Variants in DCC observed in about 807,000 individuals in gnomAD.
The protein encoded by DCC is netrin receptor DCC.
A neutral mutation model predicts 172.5 loss-of-function variants in DCC; 58 were observed. That is an observed-to-expected ratio of 0.34 (90% CI 0.27 to 0.42). The LOEUF (loss-of-function observed/expected upper bound fraction) is 0.42. Among genes scored for constraint, DCC ranks in the 10% least tolerant of loss-of-function variants. DCC has a pLI of 1.00. For synonymous variants in DCC, 709 were observed against 644.5 expected (o/e 1.10, Z -1.52); for missense variants, 1,740 against 1,791.0 (o/e 0.97, Z 0.51).
At chr18:53,026,277 GTTTC>G (rs1263782421) in intron 5 of DCC, among the ~76,000 whole-genome samples, 3 of 151,942 alleles carry the variant, frequency 2.0e-5, no homozygotes, top group Non-Finnish European at 4.4e-5. Flanking sequence ...GTACAATGTT[GTTTC>G]TTTCTTTTCT....
chr18:52,855,098 A>G (rs969084287), intron 2 of DCC, among the ~76,000 whole-genome samples: 1 of 152,166 alleles, frequency 6.6e-6, no homozygotes, highest in Non-Finnish European at 1.5e-5. Context: ...TTGTAACACT[A>G]TAGGGAGCTC....
chr18:53,086,560 CTTCTTCTTCTTCT>C lies in DCC; in HGVS notation c.1261+20407_1261+20419del, dbSNP rs1241532272. On this transcript the variant is annotated intron_variant, in intron 7 of 28. Transcript: ENST00000442544. ...TTCTTCTTCTTTCTTCTTCTTCCTT[CTTCTTCTTCTTCT>C]TTCTTCTTCTTCCTTCTTCTTCTTC... Among the ~76,000 whole-genome samples, 8 of 50,296 alleles carry C rather than the reference CTTCTTCTTCTTCT, an allele frequency of 1.6e-4. 1 individual carries two copies. Among genetic ancestry groups the C allele is most frequent in the South Asian group, 4.3e-4 (1 of 2,310 alleles). The allele number at this position is 50,296 out of a possible 152,430, so 33.0% of individuals were successfully genotyped here.
chr18:53,280,546 T>C (rs928060570), intron 12 of DCC, among the ~76,000 whole-genome samples: 1 of 152,126 alleles, frequency 6.6e-6, no homozygotes, highest in East Asian at 1.9e-4. Context: ...CTGGGTGTTT[T>C]CTTTCTTCCT....
intron 1 of DCC, among the ~76,000 whole-genome samples, chr18:52,377,676 G>GAAA (rs1291090304): frequency 9.3e-5 from 12 of 129,710 alleles, no homozygotes; most frequent in African/African-American, 2.5e-4. Flanking sequence ...CAAAACAACA[G>GAAA]AAAAAAAAAA....
At chr18:53,053,238 G>A (rs1461233825) in intron 5 of DCC, among the ~76,000 whole-genome samples, 3 of 152,088 alleles carry the variant, frequency 2.0e-5, no homozygotes, top group Non-Finnish European at 4.4e-5. Context: ...ATTGATGTTC[G>A]GCGGTGTTAG....
intron 17 of DCC, among the ~76,000 whole-genome samples, chr18:53,395,487 A>C (rs1908870681): frequency 6.6e-6 from 1 of 152,134 alleles, no homozygotes; most frequent in Admixed American, 6.6e-5. Flanking sequence ...TAAGACTTAG[A>C]GTTGTTCATG....
intron 2 of DCC, among the ~76,000 whole-genome samples, chr18:52,792,783 CCA>C (rs2037797716): frequency 1.3e-5 from 2 of 152,112 alleles, no homozygotes; most frequent in Admixed American, 6.5e-5. Flanking sequence ...CCATTCCATT[CCA>C]TTCCATTCCA....
intron 21 of DCC, among the ~76,000 whole-genome samples, chr18:53,424,083 A>T (rs1379863627): frequency 1.3e-5 from 2 of 152,204 alleles, no homozygotes; most frequent in East Asian, 3.8e-4. Flanking sequence ...ATAGAAAAAC[A>T]AGTTCTCTGT....
chr18:53,529,928 A>G (rs2046506784), intron 28 of DCC, among the ~76,000 whole-genome samples: 1 of 152,184 alleles, frequency 6.6e-6, no homozygotes, highest in African/African-American at 2.4e-5. Context: ...AAATTGTCCC[A>G]AAAAGGATTG....
intron 3 of DCC, among the ~76,000 whole-genome samples, chr18:52,912,742 AAG>A (rs2039988565): frequency 6.6e-6 from 1 of 152,134 alleles, no homozygotes; most frequent in Admixed American, 6.6e-5. Context: ...CTTATCTGTT[AAG>A]AGAAAAGGGT....
At chr18:53,109,719 G>A (rs1397419847) in intron 7 of DCC, among the ~76,000 whole-genome samples, 1 of 151,470 alleles carries the variant, frequency 6.6e-6, no homozygotes, top group Non-Finnish European at 1.5e-5. Context: ...GTCATTAACT[G>A]AGAAAACACT....
chr18:52,690,342 G>A (rs1342833583), intron 1 of DCC, among the ~76,000 whole-genome samples: 1 of 152,094 alleles, frequency 6.6e-6, no homozygotes, highest in African/African-American at 2.4e-5. Context: ...AGAGGCAACC[G>A]GAAGAGGATT....
At chr18:53,281,630 G>T (rs1254795210) in intron 12 of DCC, among the ~76,000 whole-genome samples, 3 of 152,124 alleles carry the variant, frequency 2.0e-5, no homozygotes, top group Admixed American at 2.0e-4. Context: ...AGCTGGCTGG[G>T]ACTGGCTCAT....
chr18:52,833,169 C>T lies in DCC; in HGVS notation c.413-72875C>T, dbSNP rs572259687. ...ATATCTTCCACATGCACCTAGTCCACGTTAATTACCTCCACTTAGCAAGTC... is the reference window on the plus strand; with the variant it reads ...ATATCTTCCACATGCACCTAGTCCATGTTAATTACCTCCACTTAGCAAGTC... On this transcript the variant is annotated intron_variant, in intron 2 of 28. Transcript: ENST00000442544. Among the ~76,000 whole-genome samples, 15 of 152,230 alleles carry T rather than the reference C, an allele frequency of 9.9e-5. No individual in the cohort carries two copies. In the Middle Eastern group the frequency reaches 0.01, roughly 104 times the overall value.
intron 1 of DCC, among the ~76,000 whole-genome samples, chr18:52,682,523 G>A (rs1460201): frequency 0.46 from 69,780 of 151,572 alleles, 16,172 homozygotes; most frequent in Non-Finnish European, 0.51. Flanking sequence ...GATGAGGCTG[G>A]AGAGGCGGGC....
chr18:52,698,634 T>C (rs1353851169), intron 1 of DCC, among the ~76,000 whole-genome samples: 1 of 151,898 alleles, frequency 6.6e-6, no homozygotes, highest in East Asian at 1.9e-4. Flanking sequence ...ACTCTGTCAC[T>C]CAGGCTGGAG....
At chr18:53,138,557 C>T (rs563495421) in intron 7 of DCC, among the ~76,000 whole-genome samples, 10 of 152,306 alleles carry the variant, frequency 6.6e-5, no homozygotes, top group African/African-American at 2.4e-4. Flanking sequence ...ATATATCATT[C>T]TACATTTATG....
intron 17 of DCC, among the ~76,000 whole-genome samples, chr18:53,392,183 T>G (rs1022177950): frequency 6.6e-5 from 10 of 152,066 alleles, no homozygotes; most frequent in African/African-American, 2.4e-4. Flanking sequence ...ATTGTCCCTT[T>G]AAAATAGCAG....
intron 21 of DCC, among the ~76,000 whole-genome samples, chr18:53,418,544 C>CT (rs1910453815): frequency 1.3e-5 from 2 of 152,116 alleles, no homozygotes; most frequent in Non-Finnish European, 1.5e-5. Context: ...TGAGTTTCTG[C>CT]TGAGAGAAAA....
Sources: gnomAD v4.1 joint callset for allele counts (sites outside exome capture counted in the v4.1 genomes callset) on GRCh38, gnomAD v4.1.1 for gene constraint, MANE v1.5 for transcripts, NCBI Gene and HGNC (gene_info 2026-07-23, HGNC 2026-07-21) for gene names.